MTUS1: variants seen among roughly 807,000 people sequenced by gnomAD.
MTUS1 encodes the protein microtubule-associated tumor suppressor 1.
MTUS1 carries 109 observed loss-of-function variants against 120.8 expected under a neutral mutation model. The ratio of observed to expected loss-of-function variants is 0.90; its 90% CI spans 0.77 to 1.06. MTUS1 has a LOEUF of 1.06. Among genes scored for constraint, MTUS1 ranks in the 50% least tolerant of loss-of-function variants. MTUS1 has a pLI of 0.00. For missense variants in MTUS1, 2,210 were observed against 1,486.3 expected (o/e 1.49, Z -8.01); for synonymous variants, 737 against 550.5 (o/e 1.34, Z -4.74).
chr8:17,741,546 C>G (rs896793880), intron 3 of MTUS1, among the ~76,000 whole-genome samples: 4 of 152,152 alleles, frequency 2.6e-5, no homozygotes, highest in Non-Finnish European at 5.9e-5. Flanking sequence ...AAAAGCATGC[C>G]CTGTCTTTTC....
chr8:17,649,790 A>G (rs17590021), intron 13 of MTUS1, 56 bp downstream of exon 13: 139,928 of 967,716 alleles, frequency 0.14, 11,765 homozygotes, highest in Non-Finnish European at 0.17. Flanking sequence ...GCAGGGCTCA[A>G]TTTCACACAT....
intron 4 of MTUS1, chr8:17,722,487 C>G: frequency 1.0e-6 from 1 of 985,346 alleles, no homozygotes; most frequent in Non-Finnish European, 1.2e-6. Context: ...AAAATTCCAA[C>G]AGTAAAGCTG....
Position 17,674,327 on chromosome 8 carries a change from G to A in MTUS1, c.2905+859C>T, listed in dbSNP as rs530867434. 2.6e-5 allele frequency: 7 copies of A among 270,082 alleles called. No homozygotes were observed. In the East Asian group the frequency reaches 7.1e-4, roughly 27 times the overall value. The allele number at this position is 270,082 out of a possible 1,614,324, so 16.7% of individuals were successfully genotyped here. ...CCCAGCTACTCGGAAGGCTGAGGCA[G>A]GAGAATTGCTTGAACCCGGGAGGCG... On this transcript the variant is annotated intron_variant, in intron 8 of 14. Transcript: ENST00000693296.
At chr8:17,656,549 C>T (rs1808287361) in intron 8 of MTUS1, among the ~76,000 whole-genome samples, 1 of 121,978 alleles carries the variant, frequency 8.2e-6, no homozygotes, top group Non-Finnish European at 1.7e-5. Flanking sequence ...AACAAAACCC[C>T]CCCCCACCCC....
intron 8 of MTUS1, among the ~76,000 whole-genome samples, chr8:17,671,747 T>G (rs554317382): frequency 1.3e-5 from 2 of 152,176 alleles, no homozygotes; most frequent in Non-Finnish European, 2.9e-5. Flanking sequence ...GTCTCAACTT[T>G]CATTGAGAAG....
chr8:17,753,711 A>C lies in MTUS1; in HGVS notation c.2091+6T>G. ...AGCATGCAAAAAATATATATATATT[A>C]CTTACCAAAAACAGAGAACCATATT... On this transcript the variant is annotated splice_donor_region_variant and intron_variant, in intron 2 of 14. Transcript: ENST00000693296. 6.4e-7 allele frequency: 1 copy of C among 1,567,312 alleles called. No homozygotes were observed. Among genetic ancestry groups the C allele is most frequent in the Non-Finnish European group, 8.7e-7 (1 of 1,155,512 alleles).
intron 8 of MTUS1, among the ~76,000 whole-genome samples, chr8:17,659,864 A>G (rs1809296717): frequency 1.3e-5 from 2 of 152,082 alleles, no homozygotes; most frequent in South Asian, 2.1e-4. Context: ...CGTACCAATT[A>G]AACAGTAACA....
intron 7 of MTUS1, among the ~76,000 whole-genome samples, chr8:17,683,424 C>A (rs7461646): frequency 0.58 from 87,539 of 151,986 alleles, 25,471 homozygotes; most frequent in Middle Eastern, 0.66. Context: ...GTTTGTTGAT[C>A]TGAACAAAAC....
At chr8:17,662,796 A>T (rs1810043805) in intron 8 of MTUS1, among the ~76,000 whole-genome samples, 1 of 151,832 alleles carries the variant, frequency 6.6e-6, no homozygotes. Context: ...ATCTCCAGCA[A>T]TCTAGCTTAA....
intron 3 of MTUS1, among the ~76,000 whole-genome samples, chr8:17,743,051 T>G (rs1193234597): frequency 6.6e-6 from 1 of 152,144 alleles, no homozygotes; most frequent in South Asian, 2.1e-4. Context: ...TGATACTTAA[T>G]AGCTATTCTT....
intron 1 of MTUS1, among the ~76,000 whole-genome samples, chr8:17,789,358 T>TAG (rs2051576885): frequency 1.3e-5 from 2 of 152,180 alleles, no homozygotes; most frequent in South Asian, 4.1e-4. Context: ...TATATGCAGT[T>TAG]AGTTTTTAAA....
At chr8:17,797,342 C>T (rs569222968) in intron 1 of MTUS1, among the ~76,000 whole-genome samples, 7 of 152,116 alleles carry the variant, frequency 4.6e-5, no homozygotes, top group South Asian at 4.2e-4. Flanking sequence ...GAGCCTGGGA[C>T]GTGAAGGCTG....
chr8:17,750,628 C>T lies in MTUS1; in HGVS notation c.2091+3089G>A, dbSNP rs1332835964. 6.6e-5 allele frequency among the ~76,000 whole-genome samples: 10 copies of T among 152,062 alleles called. No individual in the cohort carries two copies. The East Asian group carries it at 9.6e-4, about 15-fold the overall frequency. On this transcript the variant is annotated intron_variant, in intron 2 of 14. Transcript: ENST00000693296. ...TGACCTCGCTGAAGTATTAAAATGTCGACAACAATTGCCCTGTTGTTATTG... is the reference window on the plus strand; with the variant it reads ...TGACCTCGCTGAAGTATTAAAATGTTGACAACAATTGCCCTGTTGTTATTG...
At chr8:17,773,329 C>G (rs1169337757) in intron 1 of MTUS1, among the ~76,000 whole-genome samples, 1 of 152,140 alleles carries the variant, frequency 6.6e-6, no homozygotes, top group African/African-American at 2.4e-5. Flanking sequence ...GCCACACTGT[C>G]ATTAGAGGTG....
intron 1 of MTUS1, among the ~76,000 whole-genome samples, chr8:17,781,537 G>C (rs1352879124): frequency 6.6e-6 from 1 of 152,174 alleles, no homozygotes; most frequent in Admixed American, 6.5e-5. Flanking sequence ...TTACAAATTA[G>C]AATTATCCAG....
chr8:17,736,184 A>G (rs1341107241), intron 3 of MTUS1, among the ~76,000 whole-genome samples: 5 of 152,268 alleles, frequency 3.3e-5, no homozygotes, highest in African/African-American at 1.2e-4. Flanking sequence ...AATCTTCTCC[A>G]TAATTACTGC....
intron 8 of MTUS1, among the ~76,000 whole-genome samples, chr8:17,668,708 G>C (rs113273107): frequency 6.6e-6 from 1 of 152,140 alleles, no homozygotes; most frequent in Non-Finnish European, 1.5e-5. Context: ...AGGGGCACAT[G>C]TGCAGGTTTG....
intron 8 of MTUS1, among the ~76,000 whole-genome samples, chr8:17,669,664 G>A (rs928687078): frequency 3.9e-5 from 6 of 152,064 alleles, no homozygotes; most frequent in African/African-American, 1.4e-4. Context: ...TGGCCAACAT[G>A]GTGAAACCTC....
chr8:17,762,782 C>G (rs1424428397), intron 1 of MTUS1, among the ~76,000 whole-genome samples: 1 of 144,334 alleles, frequency 6.9e-6, no homozygotes, highest in Non-Finnish European at 1.5e-5. Context: ...ATCAACTGGG[C>G]CTTTGGTTGG....
Sources: gnomAD v4.1 joint callset for allele counts (sites outside exome capture counted in the v4.1 genomes callset) on GRCh38, gnomAD v4.1.1 for gene constraint, MANE v1.5 for transcripts, NCBI Gene and HGNC (gene_info 2026-07-23, HGNC 2026-07-21) for gene names.